The following LITAF variants were observed in gnomAD, a reference collection of about 807,000 sequenced individuals.
The protein encoded by LITAF is lipopolysaccharide-induced tumor necrosis factor-alpha factor.
LITAF carries 9 observed loss-of-function variants against 14.5 expected under a neutral mutation model. The ratio of observed to expected loss-of-function variants is 0.62; its 90% CI spans 0.37 to 1.08. LITAF has a LOEUF of 1.08. Among genes scored for constraint, LITAF ranks in the 50% least tolerant of loss-of-function variants. The pLI, the probability that LITAF is intolerant of heterozygous loss-of-function variation, is 0.01. For missense variants in LITAF, 206 were observed against 213.4 expected, an observed-to-expected ratio of 0.97 and a Z score of 0.22; for synonymous variants, 98 against 88.2, an observed-to-expected ratio of 1.11 and a Z score of -0.62.
chr16:11,557,336 G>T, intron 1 of LITAF, among the ~76,000 whole-genome samples: 1 of 151,362 alleles, frequency 6.6e-6, no homozygotes, highest in Non-Finnish European at 1.5e-5. Context: ...CGGGGGGCGG[G>T]TCCTGTTCTC....
At chr16:11,633,338 G>T (rs1193306666) in intron 3 of LITAF, among the ~76,000 whole-genome samples, 1 of 152,188 alleles carries the variant, frequency 6.6e-6, no homozygotes, top group Non-Finnish European at 1.5e-5. Flanking sequence ...AAATAGTAGT[G>T]TCAGAGGGGT....
At chr16:11,595,661 G>A (rs542501525) in intron 1 of LITAF, among the ~76,000 whole-genome samples, 5 of 152,266 alleles carry the variant, frequency 3.3e-5, no homozygotes, top group African/African-American at 1.2e-4. Flanking sequence ...CCTGGGAGGC[G>A]GAGCTTGCAG....
chr16:11,580,339 C>A (rs1424192942), intron 1 of LITAF, among the ~76,000 whole-genome samples: 2 of 151,606 alleles, frequency 1.3e-5, no homozygotes, highest in East Asian at 3.9e-4. Context: ...CTCACTGTAA[C>A]CTCTGCCTCC....
intron 1 of LITAF, among the ~76,000 whole-genome samples, chr16:11,585,044 C>T (rs961172427): frequency 1.3e-5 from 2 of 151,976 alleles, no homozygotes; most frequent in East Asian, 3.9e-4. Flanking sequence ...TCTGTCTCTA[C>T]TAAAAATGCA....
chr16:11,584,137 G>A (rs947878428), intron 1 of LITAF: 1 of 152,184 alleles, frequency 6.6e-6, no homozygotes, highest in African/African-American at 2.4e-5. Flanking sequence ...AGACCCGGGA[G>A]ACGTCAAAAA....
At chr16:11,577,577 C>T (rs776579405) in intron 1 of LITAF, among the ~76,000 whole-genome samples, 21 of 151,700 alleles carry the variant, frequency 1.4e-4, no homozygotes, top group Non-Finnish European at 2.8e-4. Flanking sequence ...CTCAGCCTCC[C>T]GAAGTGCTGG....
At position 11,556,559 on chromosome 16, in the gene LITAF, G is replaced by C; in HGVS notation, c.172C>G (p.Pro58Ala). 1 of 1,614,182 alleles carries C rather than the reference G, an allele frequency of 6.2e-7. No homozygotes were observed. The highest frequency in any genetic ancestry group is 8.5e-7 in the Non-Finnish European group (1 of 1,180,044). Residue 58 changes from proline (P) to alanine (A), a missense_variant, in exon 2 of 4, where the codon CCT becomes GCT. Pro to Ala is a conservative substitution (Grantham distance 27). Transcript: ENST00000622633. Reference sequence around the variant, plus strand: ...GCTGGCTGGGTATAATACGAAGGAGGATTCATGCCCTTCCCATCAGGCCCC... The same window carrying C: ...GCTGGCTGGGTATAATACGAAGGAGCATTCATGCCCTTCCCATCAGGCCCC... Reference protein sequence around the residue: ...VTGPDGKGMNPPSYYTQPAPI... With the variant: ...VTGPDGKGMNAPSYYTQPAPI...
intron 1 of LITAF, among the ~76,000 whole-genome samples, chr16:11,597,705 A>G (rs573816370): frequency 6.6e-6 from 1 of 152,322 alleles, no homozygotes; most frequent in South Asian, 2.1e-4. Context: ...AGTGTCCTAC[A>G]GAGCCCAACT....
upstream of LITAF, among the ~76,000 whole-genome samples, chr16:11,638,282 A>G (rs958979739): frequency 6.6e-6 from 1 of 151,614 alleles, no homozygotes; most frequent in African/African-American, 2.4e-5. Flanking sequence ...ATTAAATGAG[A>G]TAATGCACAT....
intron 3 of LITAF, among the ~76,000 whole-genome samples, chr16:11,610,392 C>T (rs373401054): frequency 6.7e-5 from 10 of 148,782 alleles, no homozygotes; most frequent in African/African-American, 2.2e-4. Flanking sequence ...CGGGAAAGGA[C>T]GTGGCGGTCG....
intron 3 of LITAF, among the ~76,000 whole-genome samples, chr16:11,603,921 C>T (rs746299594): frequency 1.1e-4 from 16 of 152,242 alleles, no homozygotes; most frequent in Middle Eastern, 3.4e-3. Flanking sequence ...GTGGCGGGCG[C>T]CTGTAGTCCC....
At chr16:11,595,167 G>A (rs2064875323) in intron 1 of LITAF, among the ~76,000 whole-genome samples, 1 of 152,134 alleles carries the variant, frequency 6.6e-6, no homozygotes, top group Non-Finnish European at 1.5e-5. Context: ...TCTAAAACAT[G>A]TTTCCCACAT....
chr16:11,549,184 G>C lies in LITAF; in HGVS notation c.*453C>G, dbSNP rs192516633. 5 of 454,126 alleles carry C rather than the reference G, an allele frequency of 1.1e-5. No homozygotes were observed. Among genetic ancestry groups the C allele is most frequent in the Admixed American group, 7.1e-5 (3 of 42,532 alleles). The allele number at this position is 454,126 out of a possible 1,614,324, so 28.1% of individuals were successfully genotyped here. On this transcript the variant is annotated 3_prime_UTR_variant, in exon 4 of 4. Coordinates refer to ENST00000622633, the MANE Select transcript of LITAF (RefSeq NM_001136472.2). The surrounding 1 kb of genome is among the most constrained non-coding windows in gnomAD (Gnocchi z 4.6). ...ATCAGGGACGGGAAGAGACGGATAAGATAATGGTAGGCACTAAAGGCTGGT... is the reference window on the plus strand; with the variant it reads ...ATCAGGGACGGGAAGAGACGGATAACATAATGGTAGGCACTAAAGGCTGGT...
At chr16:11,592,565 A>C (rs973958331) in intron 1 of LITAF, among the ~76,000 whole-genome samples, 210 of 132,120 alleles carry the variant, frequency 1.6e-3, no homozygotes, top group African/African-American at 5.7e-3. Flanking sequence ...ACAGAGCAAG[A>C]CCCTGTCTCA....
chr16:11,595,185 AC>A (rs1197161576), intron 1 of LITAF, among the ~76,000 whole-genome samples: 4 of 152,112 alleles, frequency 2.6e-5, no homozygotes, highest in African/African-American at 9.7e-5. Context: ...CATACATCAC[AC>A]GCTTTATCCT....
At chr16:11,629,639 A>G (rs993745729) in intron 3 of LITAF, among the ~76,000 whole-genome samples, 3 of 152,038 alleles carry the variant, frequency 2.0e-5, no homozygotes, top group East Asian at 1.9e-4. Flanking sequence ...TTGGCTGCAC[A>G]CCTGCTTTTG....
chr16:11,597,985 C>A (rs2064901616), intron 1 of LITAF, among the ~76,000 whole-genome samples: 1 of 152,174 alleles, frequency 6.6e-6, no homozygotes, highest in Non-Finnish European at 1.5e-5. Flanking sequence ...TAGCTCACTG[C>A]AGCCTCTACC....
intron 3 of LITAF, among the ~76,000 whole-genome samples, chr16:11,611,685 CAG>C (rs1237733568): frequency 6.9e-6 from 1 of 145,470 alleles, no homozygotes; most frequent in Non-Finnish European, 1.5e-5. Flanking sequence ...TTTTTTAAGA[CAG>C]AGTCTCCCTC....
At chr16:11,590,127 TAA>T (rs61198634), upstream of LITAF, among the ~76,000 whole-genome samples, 6 of 86,184 alleles carry the variant, frequency 7.0e-5, no homozygotes, top group Admixed American at 2.3e-4. Flanking sequence ...ACCCCATCTC[TAA>T]AAAAAAAAAA....
Sources: gnomAD v4.1 joint callset for allele counts (sites outside exome capture counted in the v4.1 genomes callset) on GRCh38, gnomAD v4.1.1 for gene constraint, Gnocchi (gnomAD v3.1) non-coding constraint, MANE v1.5 for transcripts, NCBI Gene and HGNC (gene_info 2026-07-23, HGNC 2026-07-21) for gene names.